The following LDB2 variants were observed in gnomAD, a reference collection of about 807,000 sequenced individuals.
LDB2 encodes the protein LIM domain-binding protein 2.
LDB2 carries 12 observed loss-of-function variants against 44.3 expected under a neutral mutation model. The observed-to-expected ratio is 0.27, with a 90% CI of 0.17 to 0.44. The LOEUF (loss-of-function observed/expected upper bound fraction) is 0.44, where lower values mean the gene tolerates loss of function less well. Ranked by LOEUF, LDB2 falls within the 20% of genes least tolerant of loss-of-function variation. The probability of loss-of-function intolerance (pLI) is 1.00; values close to 1 mark genes in which losing one functional copy is unlikely to be tolerated. For synonymous variants in LDB2, 164 were observed against 174.8 expected (o/e 0.94, Z 0.49); for missense variants, 344 against 473.5 (o/e 0.73, Z 2.54).
chr4:16,776,309 T>C (rs900291452), intron 1 of LDB2, among the ~76,000 whole-genome samples: 1 of 152,218 alleles, frequency 6.6e-6, no homozygotes, highest in African/African-American at 2.4e-5. Context: ...CTTTAGGAAT[T>C]TGTTGTTTAC....
intron 5 of LDB2, among the ~76,000 whole-genome samples, chr4:16,542,632 C>T (rs1734233588): frequency 6.6e-6 from 1 of 152,050 alleles, no homozygotes; most frequent in Admixed American, 6.6e-5. Flanking sequence ...CAGAGGGGCC[C>T]TTGTGGACAT....
chr4:16,793,968 G>A (rs75942398), intron 1 of LDB2, among the ~76,000 whole-genome samples: 4 of 152,148 alleles, frequency 2.6e-5, no homozygotes, highest in South Asian at 2.1e-4. Context: ...TACCCCTCTC[G>A]GTAATGTCTT....
chr4:16,725,346 A>G (rs1466907334), intron 2 of LDB2, among the ~76,000 whole-genome samples: 1 of 152,076 alleles, frequency 6.6e-6, no homozygotes, highest in African/African-American at 2.4e-5. Context: ...CAATGGCCAG[A>G]CCATACATAA....
intron 2 of LDB2, among the ~76,000 whole-genome samples, chr4:16,599,231 G>C (rs1283302199): frequency 1.3e-5 from 2 of 152,126 alleles, no homozygotes. Context: ...GTTGTCAGCA[G>C]GGCTGAATTC....
chr4:16,610,030 T>C (rs553045643), intron 2 of LDB2, among the ~76,000 whole-genome samples: 1 of 152,014 alleles, frequency 6.6e-6, no homozygotes, highest in African/African-American at 2.4e-5. Flanking sequence ...CCAGCCTCCT[T>C]GAGTGACATC....
At chr4:16,893,886 A>G (rs897053313) in intron 1 of LDB2, among the ~76,000 whole-genome samples, 2 of 152,114 alleles carry the variant, frequency 1.3e-5, no homozygotes, top group Non-Finnish European at 2.9e-5. Context: ...TTTGAATGAG[A>G]AAACAAGGTA....
At chr4:16,832,072 ACT>A (rs1784162256) in intron 1 of LDB2, among the ~76,000 whole-genome samples, 1 of 152,234 alleles carries the variant, frequency 6.6e-6, no homozygotes, top group Non-Finnish European at 1.5e-5. Flanking sequence ...TTTGTTTAAA[ACT>A]GTTATTTTGG....
chr4:16,819,460 GAAAAAAAAAAA>G (rs369605183), intron 1 of LDB2, among the ~76,000 whole-genome samples: 1 of 93,456 alleles, frequency 1.1e-5, no homozygotes, highest in Non-Finnish European at 2.0e-5. Flanking sequence ...CTGCACTCAG[GAAAAAAAAAAA>G]AAAAAAAAAG....
chr4:16,865,038 G>T (rs1476606030), intron 1 of LDB2, among the ~76,000 whole-genome samples: 1 of 152,136 alleles, frequency 6.6e-6, no homozygotes, highest in Non-Finnish European at 1.5e-5. Context: ...TTGAGGTCAG[G>T]AGTTAAGAGA....
chr4:16,689,369 C>T (rs1750044761), intron 2 of LDB2, among the ~76,000 whole-genome samples: 1 of 152,346 alleles, frequency 6.6e-6, no homozygotes. Context: ...ATCTGACTGG[C>T]ACACTACTTC....
At chr4:16,553,319 A>AT (rs368333452) in intron 5 of LDB2, among the ~76,000 whole-genome samples, 40 of 149,694 alleles carry the variant, frequency 2.7e-4, no homozygotes, top group South Asian at 6.4e-4. Context: ...TGCCCAGTTA[A>AT]TTTTTTTTTT....
chr4:16,884,310 T>C (rs568288384), intron 1 of LDB2, among the ~76,000 whole-genome samples: 5 of 152,330 alleles, frequency 3.3e-5, no homozygotes, highest in Admixed American at 6.5e-5. Flanking sequence ...TGTCTCATTT[T>C]GCAGATGAGA....
chr4:16,542,436 C>T (rs376541015), intron 5 of LDB2, among the ~76,000 whole-genome samples: 1 of 152,136 alleles, frequency 6.6e-6, no homozygotes, highest in Non-Finnish European at 1.5e-5. Context: ...GCAATCAGGA[C>T]CCAATCATGC....
chr4:16,667,483 C>A (rs1320024575), intron 2 of LDB2, among the ~76,000 whole-genome samples: 1 of 152,174 alleles, frequency 6.6e-6, no homozygotes, highest in African/African-American at 2.4e-5. Context: ...CCTGGGATCT[C>A]CTGATTCTCC....
rs893201035 is a variant in LDB2, at chr4:16,802,121, C to T, written c.133-42861G>A. Among the ~76,000 whole-genome samples the T allele has an allele frequency of 2.6e-5, 4 of 151,978 alleles. No homozygotes were observed. In the East Asian group the frequency reaches 7.8e-4, roughly 30 times the overall value. The stretch of plus-strand genomic sequence containing the variant: ...GGCTCCAAGTGTCAGTAAGCATTAG[C>T]CCCACCCATCCCCATCACCAACTGC... On this transcript the variant is annotated intron_variant, in intron 1 of 7. Coordinates refer to ENST00000304523, the MANE Select transcript of LDB2 (RefSeq NM_001290.5).
intron 2 of LDB2, among the ~76,000 whole-genome samples, chr4:16,685,705 T>C (rs1276615519): frequency 1.3e-5 from 2 of 152,196 alleles, no homozygotes; most frequent in African/African-American, 4.8e-5. Flanking sequence ...CAAGCAAAGC[T>C]GCCCACCCTC....
intron 1 of LDB2, among the ~76,000 whole-genome samples, chr4:16,784,867 C>T (rs1355078997): frequency 2.0e-5 from 3 of 152,106 alleles, no homozygotes; most frequent in African/African-American, 4.8e-5. Context: ...AGAAAACAAT[C>T]GTTTCCTAGC....
chr4:16,867,932 C>T (rs1237806570), intron 1 of LDB2, among the ~76,000 whole-genome samples: 1 of 152,204 alleles, frequency 6.6e-6, no homozygotes, highest in Non-Finnish European at 1.5e-5. Flanking sequence ...AATCCACTAG[C>T]ATCTGTTGGA....
chr4:16,570,182 G>A (rs1482319140), intron 5 of LDB2, among the ~76,000 whole-genome samples: 3 of 151,950 alleles, frequency 2.0e-5, no homozygotes, highest in Admixed American at 1.3e-4. Context: ...AGTTTACATC[G>A]GCTGGACACA....
Sources: allele counts gnomAD v4.1 joint callset (sites outside exome capture counted in the v4.1 genomes callset), GRCh38; gene constraint gnomAD v4.1.1; transcripts MANE v1.5; gene names NCBI Gene and HGNC (gene_info 2026-07-23, HGNC 2026-07-21).